SUSD4: variants seen among roughly 807,000 people sequenced by gnomAD.
SUSD4 encodes the protein sushi domain-containing protein 4.
SUSD4 carries 41 observed loss-of-function variants against 50.5 expected under a neutral mutation model. The ratio of observed to expected loss-of-function variants is 0.81; its 90% CI spans 0.63 to 1.05. The LOEUF (loss-of-function observed/expected upper bound fraction) is 1.05. Ranked by LOEUF, SUSD4 falls within the 50% of genes least tolerant of loss-of-function variation. The pLI, the probability that SUSD4 is intolerant of heterozygous loss-of-function variation, is 0.00. For synonymous variants in SUSD4, 257 were observed against 257.3 expected (o/e 1.00, Z 0.01); for missense variants, 580 against 634.7 (o/e 0.91, Z 0.93).
chr1:223,359,586 T>C (rs1447518584), intron 2 of SUSD4, among the ~76,000 whole-genome samples: 2 of 152,224 alleles, frequency 1.3e-5, no homozygotes, highest in African/African-American at 2.4e-5. Flanking sequence ...GTGGCAGTAA[T>C]TTGGGAATCT....
intron 2 of SUSD4, among the ~76,000 whole-genome samples, chr1:223,322,967 C>T (rs1316951777): frequency 6.6e-6 from 1 of 152,184 alleles, no homozygotes; most frequent in African/African-American, 2.4e-5. Context: ...AGGAAGGCCA[C>T]AGAGGAAAGC....
At chr1:223,225,489 G>A (rs778598494) in intron 7 of SUSD4, among the ~76,000 whole-genome samples, 1 of 152,078 alleles carries the variant, frequency 6.6e-6, no homozygotes, top group Non-Finnish European at 1.5e-5. Context: ...ATGCTCTTCA[G>A]GGGGCAGAAG....
intron 5 of SUSD4, among the ~76,000 whole-genome samples, chr1:223,233,757 A>G (rs1177366559): frequency 1.3e-5 from 2 of 152,234 alleles, no homozygotes; most frequent in African/African-American, 4.8e-5. Context: ...ATATCCCGTC[A>G]GTTGCTAGTT....
intron 3 of SUSD4, among the ~76,000 whole-genome samples, chr1:223,279,797 G>A (rs939092434): frequency 3.7e-5 from 5 of 136,326 alleles, no homozygotes; most frequent in African/African-American, 8.9e-5. Flanking sequence ...CAGATTCACT[G>A]AAGTTGAAAT....
chr1:223,326,260 A>C (rs1666872156), intron 2 of SUSD4, among the ~76,000 whole-genome samples: 2 of 152,146 alleles, frequency 1.3e-5, no homozygotes, highest in African/African-American at 4.8e-5. Context: ...AATGGACACC[A>C]TATTTAGTAA....
At chr1:223,252,487 G>A (rs1661401167) in intron 5 of SUSD4, among the ~76,000 whole-genome samples, 1 of 151,950 alleles carries the variant, frequency 6.6e-6, no homozygotes. Context: ...AAAATGTCAA[G>A]CAGAATGGTA....
intron 5 of SUSD4, among the ~76,000 whole-genome samples, chr1:223,256,576 T>TG (rs1406244742): frequency 2.0e-5 from 3 of 152,140 alleles, no homozygotes; most frequent in East Asian, 3.9e-4. Context: ...TAGCCAGCAT[T>TG]GGGGGGAGAA....
chr1:223,305,463 T>C (rs1665478231), intron 2 of SUSD4, among the ~76,000 whole-genome samples: 1 of 152,098 alleles, frequency 6.6e-6, no homozygotes, highest in Non-Finnish European at 1.5e-5. Context: ...TAAGAGACAA[T>C]ACAAAAAATT....
At chr1:223,299,434 T>TG (rs972450259) in intron 2 of SUSD4, among the ~76,000 whole-genome samples, 1 of 152,186 alleles carries the variant, frequency 6.6e-6, no homozygotes, top group Non-Finnish European at 1.5e-5. Context: ...TGTTTGTTTT[T>TG]GGGGGGAGTG....
At chr1:223,317,432 TC>T (rs2103231662) in intron 2 of SUSD4, among the ~76,000 whole-genome samples, 1 of 152,340 alleles carries the variant, frequency 6.6e-6, no homozygotes, top group East Asian at 1.9e-4. Flanking sequence ...ATTCTTTTAT[TC>T]CTCTTGCTTT....
At chr1:223,279,098 T>C (rs1346752650) in intron 3 of SUSD4, among the ~76,000 whole-genome samples, 1 of 151,986 alleles carries the variant, frequency 6.6e-6, no homozygotes, top group African/African-American at 2.4e-5. Flanking sequence ...AGACCAAAGG[T>C]AGATAAAACC....
intron 3 of SUSD4, among the ~76,000 whole-genome samples, chr1:223,272,311 C>A (rs1162673125): frequency 6.6e-6 from 1 of 152,188 alleles, no homozygotes; most frequent in African/African-American, 2.4e-5. Context: ...GATATCAAAG[C>A]CTTCCATTCT....
chr1:223,289,054 C>A (rs1211119784), intron 3 of SUSD4: 2 of 971,398 alleles, frequency 2.1e-6, no homozygotes, highest in African/African-American at 3.5e-5. Context: ...GTAGACATAA[C>A]TGAGTTGGTT....
intron 2 of SUSD4, among the ~76,000 whole-genome samples, chr1:223,362,644 G>T (rs1371340980): frequency 6.6e-6 from 1 of 152,124 alleles, no homozygotes; most frequent in Admixed American, 6.5e-5. Flanking sequence ...TTTATTCCCT[G>T]AAATCATACC....
chr1:223,301,255 C>T (rs575469313), intron 2 of SUSD4, among the ~76,000 whole-genome samples: 1 of 152,290 alleles, frequency 6.6e-6, no homozygotes, highest in African/African-American at 2.4e-5. Flanking sequence ...CTCATGTTTC[C>T]CCCAAAGCCC....
In SUSD4 at chr1:223,292,636, TG is replaced by T; in HGVS notation, c.163del (p.Gln55LysfsTer26). 1.2e-6 allele frequency: 2 copies of T among 1,613,910 alleles called. No homozygotes were observed. The highest frequency in any genetic ancestry group is 1.7e-6 in the Non-Finnish European group (2 of 1,179,972). On this transcript the variant is annotated frameshift_variant, in exon 3 of 9. Coordinates refer to ENST00000366878, the MANE Select transcript of SUSD4 (RefSeq NM_017982.4). LOFTEE classifies it high-confidence loss of function. Reference sequence around the variant, plus strand: ...GGGAATGCCGGGGTCAGCACACACTTGAAGGTCATCGAACCCTACATCAACA... The same window carrying T: ...GGGAATGCCGGGGTCAGCACACACTTAAGGTCATCGAACCCTACATCAACA... ...AQLTGGFDDLQVCADPGIPEN... is the reference protein window; with the variant it reads ...AQLTGGFDDLXVCADPGIPEN...
At chr1:223,288,670 G>T (rs1445575769) in intron 3 of SUSD4, among the ~76,000 whole-genome samples, 1 of 152,166 alleles carries the variant, frequency 6.6e-6, no homozygotes, top group African/African-American at 2.4e-5. Flanking sequence ...GCTTAAGTAA[G>T]GAAATATTTT....
At chr1:223,277,383 G>A (rs919087969) in intron 3 of SUSD4, among the ~76,000 whole-genome samples, 16 of 152,010 alleles carry the variant, frequency 1.1e-4, no homozygotes, top group African/African-American at 3.9e-4. Flanking sequence ...TGGAGCTGTG[G>A]CAGGAACAGC....
At chr1:223,236,554 T>TG (rs1393536926) in intron 5 of SUSD4, among the ~76,000 whole-genome samples, 2 of 152,058 alleles carry the variant, frequency 1.3e-5, no homozygotes, top group African/African-American at 4.8e-5. Flanking sequence ...AGCTTTTTTT[T>TG]TTTTTGTTTT....
Sources: gnomAD v4.1 joint callset for allele counts (sites outside exome capture counted in the v4.1 genomes callset) on GRCh38, gnomAD v4.1.1 for gene constraint, MANE v1.5 for transcripts, NCBI Gene and HGNC (gene_info 2026-07-23, HGNC 2026-07-21) for gene names.